PCDH15: variants seen among roughly 807,000 people sequenced by gnomAD.
The protein encoded by PCDH15 is protocadherin-15.
PCDH15 carries 129 observed loss-of-function variants against 178.5 expected under a neutral mutation model. The observed-to-expected ratio is 0.72, with a 90% CI of 0.63 to 0.84. The LOEUF (loss-of-function observed/expected upper bound fraction) is 0.84, where lower values mean the gene tolerates loss of function less well. Among genes scored for constraint, PCDH15 ranks in the 40% least tolerant of loss-of-function variants. The pLI is 0.00. For missense variants in PCDH15, 2,230 were observed against 2,099.9 expected (o/e 1.06, Z -1.21); for synonymous variants, 800 against 732.0 (o/e 1.09, Z -1.50).
intron 5 of PCDH15, among the ~76,000 whole-genome samples, chr10:54,351,390 A>T (rs1944158480): frequency 6.6e-6 from 1 of 152,158 alleles, no homozygotes. Flanking sequence ...CCCTCTTGAC[A>T]GCCTATTTGC....
chr10:55,611,753 TAAGTGCATATC>T (rs1471465081), intron 2 of PCDH15, among the ~76,000 whole-genome samples: 1 of 152,016 alleles, frequency 6.6e-6, no homozygotes, highest in African/African-American at 2.4e-5. Context: ...GGAAACAATC[TAAGTGCATATC>T]AAGGGATGAA....
chr10:55,522,425 A>G lies in PCDH15; in HGVS notation c.-156+105200T>C, dbSNP rs574486876. Among the ~76,000 whole-genome samples the G allele has an allele frequency of 1.3e-3, 195 of 151,844 alleles. 1 individual carries two copies. Among genetic ancestry groups the G allele is most frequent in the African/African-American group, 4.5e-3 (186 of 41,488 alleles). The stretch of plus-strand genomic sequence containing the variant: ...GATGAAAGTGGGGCATTCAAATTCC[A>G]TACTGTTACTGTATTGCTGTCTATT... On this transcript the variant is annotated intron_variant, in intron 2 of 5. Transcript: ENST00000613346.
chr10:54,980,703 T>C (rs1839210766), intron 2 of PCDH15, among the ~76,000 whole-genome samples: 6 of 152,144 alleles, frequency 3.9e-5, no homozygotes, highest in Admixed American at 3.9e-4. Flanking sequence ...TCTCTACTTT[T>C]CTTTATGTTA....
Position 53,823,361 on chromosome 10 carries a change from TGAAAGAAAA to T in PCDH15, c.4368-3140_4368-3132del. On this transcript the variant is annotated intron_variant, in intron 32 of 37. Coordinates refer to ENST00000644397, the MANE Select transcript of PCDH15 (RefSeq NM_001384140.1). ...GAAAATGGTAGAGAAGGAAAAGACT[TGAAAGAAAA>T]GAAGATAATGAAATGTAAGGAAACA... 3 of 1,611,388 alleles carry T rather than the reference TGAAAGAAAA, an allele frequency of 1.9e-6. No homozygotes were observed. Among genetic ancestry groups the T allele is most frequent in the Non-Finnish European group, 2.5e-6 (3 of 1,177,670 alleles).
chr10:54,391,097 A>G (rs1310821382), intron 3 of PCDH15, among the ~76,000 whole-genome samples: 1 of 152,118 alleles, frequency 6.6e-6, no homozygotes, highest in Non-Finnish European at 1.5e-5. Context: ...TTTTCCCTAT[A>G]TACATTCTCA....
intron 1 of PCDH15, among the ~76,000 whole-genome samples, chr10:55,279,608 C>A (rs751627603): frequency 3.4e-4 from 52 of 152,108 alleles, no homozygotes; most frequent in Non-Finnish European, 5.7e-4. Context: ...TAACAAGAAG[C>A]CCCACATTTG....
intron 8 of PCDH15, among the ~76,000 whole-genome samples, chr10:54,295,313 G>A (rs2059679629): frequency 6.6e-6 from 1 of 152,126 alleles, no homozygotes; most frequent in African/African-American, 2.4e-5. Context: ...CTGTAAAATG[G>A]ACCAATCAGC....
intron 1 of PCDH15, among the ~76,000 whole-genome samples, chr10:55,206,174 G>A (rs1840396135): frequency 6.6e-6 from 1 of 152,000 alleles, no homozygotes; most frequent in Admixed American, 6.6e-5. Context: ...CTTGTAGGAA[G>A]GCTTATGATG....
At chr10:54,255,236 C>T (rs2056808278) in intron 8 of PCDH15, among the ~76,000 whole-genome samples, 1 of 152,152 alleles carries the variant, frequency 6.6e-6, no homozygotes, top group Admixed American at 6.5e-5. Flanking sequence ...CCTTCTTTTA[C>T]TTGTTTCTCT....
intron 2 of PCDH15, among the ~76,000 whole-genome samples, chr10:54,946,405 T>C (rs1838201469): frequency 6.6e-6 from 1 of 151,804 alleles, no homozygotes; most frequent in Non-Finnish European, 1.5e-5. Context: ...GTCTCTTGGG[T>C]TAACACAGTG....
chr10:55,626,867 T>C (rs1453912421), intron 2 of PCDH15, among the ~76,000 whole-genome samples: 1 of 152,190 alleles, frequency 6.6e-6, no homozygotes, highest in African/African-American at 2.4e-5. Flanking sequence ...AAGAAGTCTT[T>C]TATCATCCCT....
intron 2 of PCDH15, among the ~76,000 whole-genome samples, chr10:54,991,019 G>A (rs1432157755): frequency 6.6e-6 from 1 of 151,444 alleles, no homozygotes; most frequent in African/African-American, 2.4e-5. Context: ...AAATAATAAA[G>A]CTCCACAATA....
At chr10:55,020,256 CAAAG>C (rs1006401459) in intron 2 of PCDH15, among the ~76,000 whole-genome samples, 4 of 151,066 alleles carry the variant, frequency 2.6e-5, no homozygotes, top group Admixed American at 1.3e-4. Flanking sequence ...TTTAGGGAAA[CAAAG>C]AGAATAAATA....
intron 1 of PCDH15, among the ~76,000 whole-genome samples, chr10:55,210,893 T>C (rs897759423): frequency 2.6e-5 from 4 of 152,018 alleles, no homozygotes; most frequent in Non-Finnish European, 5.9e-5. Context: ...CCCAAAATGC[T>C]GGGATTACAG....
chr10:54,597,256 C>A (rs932076188), intron 2 of PCDH15, among the ~76,000 whole-genome samples: 3 of 152,172 alleles, frequency 2.0e-5, no homozygotes, highest in African/African-American at 7.2e-5. Flanking sequence ...CTCTCTTGGA[C>A]AACAGCACAA....
chr10:54,203,147 T>C (rs1369369414), intron 10 of PCDH15, among the ~76,000 whole-genome samples: 2 of 152,110 alleles, frequency 1.3e-5, no homozygotes, highest in Non-Finnish European at 2.9e-5. Flanking sequence ...GCCAGAAGAT[T>C]TGGAGTCTAG....
intron 1 of PCDH15, among the ~76,000 whole-genome samples, chr10:55,176,499 C>G (rs1347031531): frequency 6.6e-6 from 1 of 152,022 alleles, no homozygotes; most frequent in Non-Finnish European, 1.5e-5. Context: ...AACCTTTTTT[C>G]CTAACCAGAG....
chr10:53,878,508 ATACG>A (rs1266008873), intron 26 of PCDH15, among the ~76,000 whole-genome samples: 3 of 137,870 alleles, frequency 2.2e-5, no homozygotes, highest in East Asian at 4.1e-4. Context: ...TATTATATAT[ATACG>A]TGTGTGTGTG....
chr10:55,596,618 G>A (rs1022244220), intron 2 of PCDH15, among the ~76,000 whole-genome samples: 8 of 151,908 alleles, frequency 5.3e-5, no homozygotes, highest in African/African-American at 1.5e-4. Context: ...AAAAAGTAAG[G>A]CATGATTATA....
Sources: allele counts gnomAD v4.1 joint callset (sites outside exome capture counted in the v4.1 genomes callset), GRCh38; gene constraint gnomAD v4.1.1; transcripts MANE v1.5; gene names NCBI Gene and HGNC (gene_info 2026-07-23, HGNC 2026-07-21).